The following RBKS variants were observed in gnomAD, a reference collection of about 807,000 sequenced individuals.
The protein encoded by RBKS is ribokinase.
Under a neutral mutation model 33.9 loss-of-function variants are expected in RBKS, and 33 were observed. The observed-to-expected ratio is 0.97, with a 90% CI of 0.74 to 1.30. RBKS has a LOEUF of 1.30. Ranked by LOEUF, RBKS falls within the 50% of genes most tolerant of loss-of-function variation. The pLI is 0.00. For missense variants in RBKS, 361 were observed against 392.6 expected (o/e 0.92, Z 0.68); for synonymous variants, 125 against 143.0 (o/e 0.87, Z 0.90).
intron 5 of RBKS, among the ~76,000 whole-genome samples, chr2:27,839,532 CAG>C (rs1486467378): frequency 6.6e-6 from 1 of 152,214 alleles, no homozygotes; most frequent in African/African-American, 2.4e-5. Flanking sequence ...TTGATAGCGA[CAG>C]AGAGTTTTGA....
At chr2:27,794,220 C>T (rs1396265440) in intron 7 of RBKS, among the ~76,000 whole-genome samples, 6 of 151,056 alleles carry the variant, frequency 4.0e-5, no homozygotes, top group African/African-American at 7.3e-5. Flanking sequence ...TCGCTTGAAC[C>T]TGGGAGGTGG....
intron 5 of RBKS, among the ~76,000 whole-genome samples, chr2:27,834,183 T>C (rs1678473652): frequency 6.6e-6 from 1 of 152,208 alleles, no homozygotes; most frequent in South Asian, 2.1e-4. Flanking sequence ...ATGGAAACTG[T>C]CTACTGCTTC....
Position 27,836,329 on chromosome 2 carries a change from G to C in RBKS, c.515-3552C>G, listed in dbSNP as rs114725687. Among the ~76,000 whole-genome samples the C allele has an allele frequency of 8.1e-3, 1,226 of 152,228 alleles. 12 individuals are homozygous for C. The highest frequency in any genetic ancestry group is 0.028 in the African/African-American group (1,154 of 41,528). On this transcript the variant is annotated intron_variant, in intron 5 of 7. Transcript: ENST00000302188. ...TAATTCAAGGTGGCAGTGCGGGGTA[G>C]GGAGCCATGAGGCAGGATACAGATA...
Position 27,782,629 on chromosome 2 carries a change from T to C in RBKS, c.796-841A>G, listed in dbSNP as rs75578336. 1.5e-4 allele frequency: 71 copies of C among 467,662 alleles called. 2 individuals are homozygous for C. In the East Asian group the frequency reaches 4.9e-3, roughly 32 times the overall value. 29.0% of individuals were successfully genotyped at this position (467,662 alleles called of 1,614,324 possible). A position where few individuals can be genotyped will look rare whatever the true frequency, so the allele number is the denominator to read the frequency against. On this transcript the variant is annotated intron_variant, in intron 7 of 7. Coordinates refer to ENST00000302188, the MANE Select transcript of RBKS (RefSeq NM_022128.3). ...GTGAAATGTCATTTTCATCACATCA[T>C]ATTAAGGGCACATATGATCAACATG...
At chr2:27,808,711 A>G (rs1477885127) in intron 7 of RBKS, among the ~76,000 whole-genome samples, 1 of 152,248 alleles carries the variant, frequency 6.6e-6, no homozygotes, top group Non-Finnish European at 1.5e-5. Context: ...TGGTCAGACC[A>G]GGACTGAAGT....
intron 6 of RBKS, among the ~76,000 whole-genome samples, chr2:27,830,567 GAAC>G (rs1276189550): frequency 2.6e-5 from 4 of 151,538 alleles, no homozygotes; most frequent in Non-Finnish European, 4.4e-5. Context: ...CCTGGCTCCA[GAAC>G]ATTAAGCTTT....
intron 5 of RBKS, among the ~76,000 whole-genome samples, chr2:27,834,503 G>A (rs11894637): frequency 2.6e-5 from 4 of 152,042 alleles, no homozygotes; most frequent in African/African-American, 4.8e-5. Context: ...CAACACCCCC[G>A]CCTGTCTACC....
At chr2:27,882,644 A>G (rs1014781230) in intron 1 of RBKS, among the ~76,000 whole-genome samples, 3 of 152,248 alleles carry the variant, frequency 2.0e-5, no homozygotes, top group Admixed American at 2.0e-4. Flanking sequence ...TCATTACAGC[A>G]CTATTCACAA....
intron 1 of RBKS, among the ~76,000 whole-genome samples, chr2:27,875,230 G>A (rs1016338037): frequency 3.3e-5 from 5 of 152,070 alleles, no homozygotes; most frequent in African/African-American, 7.2e-5. Context: ...AGGCAAATAG[G>A]CAATATATTT....
At chr2:27,862,015 A>G (rs1158205109) in intron 1 of RBKS, among the ~76,000 whole-genome samples, 1 of 150,592 alleles carries the variant, frequency 6.6e-6, no homozygotes, top group African/African-American at 2.5e-5. Flanking sequence ...GAACACAAAA[A>G]TGGCTCACTG....
intron 1 of RBKS, among the ~76,000 whole-genome samples, chr2:27,878,076 A>C (rs1664349101): frequency 1.3e-5 from 2 of 151,778 alleles, no homozygotes; most frequent in Admixed American, 6.6e-5. Context: ...ACATGTGCAC[A>C]ATGTGCAGGT....
intron 7 of RBKS, among the ~76,000 whole-genome samples, chr2:27,812,707 T>G (rs2148194794): frequency 6.6e-6 from 1 of 151,928 alleles, no homozygotes; most frequent in African/African-American, 2.4e-5. Context: ...GGGCCTGTTG[T>G]GGGGTGGGGG....
chr2:27,825,509 T>C (rs1386879010), intron 7 of RBKS, among the ~76,000 whole-genome samples: 1 of 152,242 alleles, frequency 6.6e-6, no homozygotes, highest in Non-Finnish European at 1.5e-5. Context: ...TCTCTAGATA[T>C]ATTAAAACAC....
chr2:27,839,016 A>T (rs1663398626), intron 5 of RBKS, among the ~76,000 whole-genome samples: 1 of 152,176 alleles, frequency 6.6e-6, no homozygotes, highest in South Asian at 2.1e-4. Flanking sequence ...GGAAGGCCCT[A>T]ATTATTAGCT....
chr2:27,887,490 A>C (rs1161689674), intron 1 of RBKS, among the ~76,000 whole-genome samples: 1 of 152,236 alleles, frequency 6.6e-6, no homozygotes, highest in Non-Finnish European at 1.5e-5. Context: ...TGTAACTAGA[A>C]AAGTTGCACC....
intron 2 of RBKS, among the ~76,000 whole-genome samples, chr2:27,849,559 CAAAAAAAAAAA>C (rs70953894): frequency 8.0e-4 from 23 of 28,600 alleles, no homozygotes; most frequent in African/African-American, 1.9e-3. Flanking sequence ...GACTCTGTCT[CAAAAAAAAAAA>C]AAAAAAAAAA....
chr2:27,858,810 G>T (rs1663915563), intron 1 of RBKS, among the ~76,000 whole-genome samples: 1 of 152,138 alleles, frequency 6.6e-6, no homozygotes, highest in Admixed American at 6.5e-5. Context: ...CACTACTGTG[G>T]CTAGTGTTGT....
In RBKS at chr2:27,848,076, T is replaced by C; in HGVS notation, c.244A>G (p.Asn82Asp). 2 of 1,506,278 alleles carry C rather than the reference T, an allele frequency of 1.3e-6. No individual in the cohort carries two copies. The highest frequency in any genetic ancestry group is 1.2e-5 in the South Asian group (1 of 85,228). 93.3% of individuals were successfully genotyped at this position (1,506,278 alleles called of 1,614,324 possible). Reference protein sequence around the residue: ...VCKVGKDSFGNDYIENLKQND... With the variant: ...VCKVGKDSFGDDYIENLKQND... ...TGTTTTAAGTTTTCTATATAATCAT[T>C]GCCAAAAGAATCTTTGCCAACCTGT... is the stretch of plus-strand genomic sequence containing the variant. Residue 82 changes from asparagine to aspartate, a missense_variant, in exon 3 of 8, where the codon AAT becomes GAT. Transcript: ENST00000302188.
chr2:27,865,039 G>A (rs1664063389), intron 1 of RBKS, among the ~76,000 whole-genome samples: 1 of 152,210 alleles, frequency 6.6e-6, no homozygotes, highest in Admixed American at 6.5e-5. Context: ...ACATTCTTTA[G>A]GCCGGGCGCG....
Sources: gnomAD v4.1 joint callset for allele counts (sites outside exome capture counted in the v4.1 genomes callset) on GRCh38, gnomAD v4.1.1 for gene constraint, MANE v1.5 for transcripts, NCBI Gene and HGNC (gene_info 2026-07-23, HGNC 2026-07-21) for gene names.